The following CAPN8 variants were observed in gnomAD, a reference collection of about 807,000 sequenced individuals.
CAPN8 encodes the protein calpain-8.
A neutral mutation model predicts 80.9 loss-of-function variants in CAPN8; 87 were observed. The ratio of observed to expected loss-of-function variants is 1.07; its 90% CI spans 0.90 to 1.28. The LOEUF (loss-of-function observed/expected upper bound fraction) is 1.28, where lower values mean the gene tolerates loss of function less well. Among genes scored for constraint, CAPN8 ranks in the 50% most tolerant of loss-of-function variants. The probability of loss-of-function intolerance (pLI) is 0.00; values close to 1 mark genes in which losing one functional copy is unlikely to be tolerated. For missense variants in CAPN8, 757 were observed against 702.0 expected (o/e 1.08, Z -0.89); for synonymous variants, 299 against 273.8 (o/e 1.09, Z -0.91).
chr1:223,637,737 G>C (rs1170477537), intron 2 of CAPN8, among the ~76,000 whole-genome samples: 1 of 152,136 alleles, frequency 6.6e-6, no homozygotes, highest in East Asian at 1.9e-4. Context: ...TGGGACAAGA[G>C]AGACCTAAAG....
At chr1:223,634,456 C>A (rs1657859029) in intron 2 of CAPN8, among the ~76,000 whole-genome samples, 1 of 152,134 alleles carries the variant, frequency 6.6e-6, no homozygotes, top group Non-Finnish European at 1.5e-5. Context: ...TTTGGCCTTC[C>A]TTATACCCAC....
chr1:223,611,188 T>C (rs187737213), intron 11 of CAPN8, among the ~76,000 whole-genome samples: 1 of 152,306 alleles, frequency 6.6e-6, no homozygotes, highest in African/African-American at 2.4e-5. Context: ...GCTTTGGTTT[T>C]AATTATTTTC....
At chr1:223,624,350 C>T (rs1657501275) in intron 6 of CAPN8, among the ~76,000 whole-genome samples, 1 of 152,194 alleles carries the variant, frequency 6.6e-6, no homozygotes, top group African/African-American at 2.4e-5. Context: ...ATAGCACTGT[C>T]TTCAGCGTGG....
At chr1:223,624,876 T>C (rs558956507) in intron 6 of CAPN8, among the ~76,000 whole-genome samples, 2 of 152,162 alleles carry the variant, frequency 1.3e-5, no homozygotes, top group East Asian at 1.9e-4. Context: ...GGGCAGATCA[T>C]GAGGTCAGGA....
intron 19 of CAPN8, among the ~76,000 whole-genome samples, chr1:223,543,487 T>C (rs1027359620): frequency 3.3e-5 from 5 of 152,184 alleles, no homozygotes; most frequent in Non-Finnish European, 7.3e-5. Context: ...AAACAGATTG[T>C]GGTTGTCTTG....
At chr1:223,642,304 T>G (rs1386557126) in intron 2 of CAPN8, among the ~76,000 whole-genome samples, 2 of 152,232 alleles carry the variant, frequency 1.3e-5, no homozygotes, top group African/African-American at 4.8e-5. Flanking sequence ...TTCTGAACAA[T>G]GGTAACGTGA....
At chr1:223,616,516 G>C (rs1657194136) in intron 9 of CAPN8, among the ~76,000 whole-genome samples, 1 of 152,196 alleles carries the variant, frequency 6.6e-6, no homozygotes, top group Non-Finnish European at 1.5e-5. Flanking sequence ...CTCAGCACTT[G>C]ACATGTGAAG....
At chr1:223,621,252 T>A (rs1442823667) in intron 7 of CAPN8, among the ~76,000 whole-genome samples, 1 of 151,706 alleles carries the variant, frequency 6.6e-6, no homozygotes, top group East Asian at 1.9e-4. Context: ...ACTTTTTTTT[T>A]TTTTTTTTAA....
intron 14 of CAPN8, among the ~76,000 whole-genome samples, chr1:223,551,847 T>C (rs1029841485): frequency 1.3e-5 from 2 of 152,234 alleles, no homozygotes; most frequent in African/African-American, 4.8e-5. Flanking sequence ...AACCTAAGGT[T>C]GGTTCACCCC....
At position 223,665,592 on chromosome 1, in the gene CAPN8, C is replaced by G. The variant is rs1658766169; in HGVS notation, c.55G>C (p.Gly19Arg). 1 of 1,551,538 alleles carries G rather than the reference C, an allele frequency of 6.4e-7. No homozygotes were observed. Among genetic ancestry groups the G allele is most frequent in the Non-Finnish European group, 8.7e-7 (1 of 1,146,996 alleles). ...SRQRAATQGL[G>R]SNQNALKYLG... ...TACTTCAAAGCGTTTTGGTTGGAGC[C>G]AAGACCTTGAGTGGCTGCCCGCTGC... The change falls in exon 1 of 21, where the codon GGC becomes CGC. Residue 19 changes from glycine (G) to arginine (R), a missense_variant. By Grantham distance (125) the Gly-to-Arg change is moderately radical. Transcript: ENST00000366872.
intron 1 of CAPN8, among the ~76,000 whole-genome samples, chr1:223,656,874 T>A (rs1218932156): frequency 6.6e-6 from 1 of 151,776 alleles, no homozygotes; most frequent in Non-Finnish European, 1.5e-5. Flanking sequence ...TTAGTAGAGA[T>A]GGGGTTTCGC....
In CAPN8 at chr1:223,616,045, G is replaced by A; in HGVS notation, c.1236C>T (p.Gly412=). 1.3e-6 allele frequency: 2 copies of A among 1,552,294 alleles called. No homozygotes were observed. The highest frequency in any genetic ancestry group is 1.7e-6 in the Non-Finnish European group (2 of 1,147,124). Residue 412 remains glycine, a synonymous_variant, in exon 10 of 21, where the codon GGC becomes GGT. Transcript: ENST00000366872. The part of the protein sequence containing the change: ...IGEPCCTVLL[G]LMQKNRRWRK... ...GCCACCTGCGATTTTTCTGCATCAG[G>A]CCCAGCAGCACTGTACAGCAGGGTT...
chr1:223,611,630 ACCCT>A (rs1657033105), intron 11 of CAPN8, among the ~76,000 whole-genome samples: 1 of 151,954 alleles, frequency 6.6e-6, no homozygotes, highest in African/African-American at 2.4e-5. Flanking sequence ...GAAGCCAAGA[ACCCT>A]CCCAGGCTAA....
chr1:223,629,819 A>G (rs1200189026), intron 2 of CAPN8, among the ~76,000 whole-genome samples: 2 of 152,104 alleles, frequency 1.3e-5, no homozygotes, highest in Non-Finnish European at 2.9e-5. Context: ...GGAGTCTAAG[A>G]TTTGGTGAAC....
chr1:223,625,917 G>C (rs1440115597), intron 5 of CAPN8, 29 bp from the exon 6 acceptor site: 4 of 1,534,544 alleles, frequency 2.6e-6, no homozygotes, highest in Non-Finnish European at 3.5e-6. Flanking sequence ...CCACTCAGTG[G>C]CTGACCCTGA....
At chr1:223,648,836 C>T (rs1418353930) in intron 2 of CAPN8, among the ~76,000 whole-genome samples, 1 of 152,150 alleles carries the variant, frequency 6.6e-6, no homozygotes, top group Admixed American at 6.5e-5. Flanking sequence ...GAGAAAAGCA[C>T]ACACAGGCAC....
intron 4 of CAPN8, 65 bp downstream of exon 4, chr1:223,627,944 G>T: frequency 6.9e-7 from 1 of 1,452,956 alleles, no homozygotes. Context: ...GCAGACGTGG[G>T]AGGGACAGGT....
At chr1:223,631,300 A>G (rs1439383022) in intron 2 of CAPN8, among the ~76,000 whole-genome samples, 1 of 152,124 alleles carries the variant, frequency 6.6e-6, no homozygotes, top group Non-Finnish European at 1.5e-5. Flanking sequence ...CTTCTCTTGC[A>G]GAGTTATCAC....
intron 5 of CAPN8, 32 bp from the exon 6 acceptor site, chr1:223,625,920 G>A: frequency 6.6e-7 from 1 of 1,523,348 alleles, no homozygotes; most frequent in Non-Finnish European, 8.9e-7. Flanking sequence ...CTCAGTGGCT[G>A]ACCCTGACCT....
Sources: allele counts gnomAD v4.1 joint callset (sites outside exome capture counted in the v4.1 genomes callset), GRCh38; gene constraint gnomAD v4.1.1; transcripts MANE v1.5; gene names NCBI Gene and HGNC (gene_info 2026-07-23, HGNC 2026-07-21).